UBR4: variants seen among roughly 807,000 people sequenced by gnomAD.
UBR4 encodes E3 ubiquitin-protein ligase UBR4.
Under a neutral mutation model 575.6 loss-of-function variants are expected in UBR4, and 124 were observed. The ratio of observed to expected loss-of-function variants is 0.22; its 90% CI spans 0.19 to 0.25. The LOEUF is 0.25. UBR4 is among the 10% of genes least tolerant of loss of function. The probability of loss-of-function intolerance (pLI) is 1.00; values close to 1 mark genes in which losing one functional copy is unlikely to be tolerated. For missense variants in UBR4, 4,818 were observed against 6,478.8 expected (o/e 0.74, Z 8.80); for synonymous variants, 2,455 against 2,473.7 (o/e 0.99, Z 0.22).
intron 60 of UBR4, among the ~76,000 whole-genome samples, chr1:19,133,613 A>G (rs1424492884): frequency 1.3e-5 from 2 of 152,246 alleles, no homozygotes; most frequent in Non-Finnish European, 1.5e-5. Context: ...TTTGCAGGTG[A>G]TAAGATTGTG....
At chr1:19,180,254 T>A (rs2090767365) in intron 17 of UBR4, among the ~76,000 whole-genome samples, 1 of 152,044 alleles carries the variant, frequency 6.6e-6, no homozygotes, top group Non-Finnish European at 1.5e-5. Context: ...GGTTGCACGA[T>A]CTCAGCTCAC....
intron 60 of UBR4, among the ~76,000 whole-genome samples, chr1:19,133,113 C>T (rs1025162735): frequency 6.6e-6 from 1 of 151,952 alleles, no homozygotes; most frequent in Non-Finnish European, 1.5e-5. Flanking sequence ...TTTTATGACG[C>T]CAGAATAATG....
At position 19,160,251 on chromosome 1, in the gene UBR4, C is replaced by T; in HGVS notation, c.5437G>A (p.Asp1813Asn). 1 of 1,611,642 alleles carries T rather than the reference C, an allele frequency of 6.2e-7. No homozygotes were observed. The highest frequency in any genetic ancestry group is 8.5e-7 in the Non-Finnish European group (1 of 1,179,586). ...GCATCCATAAGGAAATTAAGCATGT[C>T]TAACACGAGAGGAGCGAAGGAGAAA... ...ANFSFAPLVL[D>N]MLNFLMDAIQ... The change falls in exon 39 of 106, where the codon GAC (aspartate) becomes AAC (asparagine). Residue 1813 changes from aspartate (D) to asparagine (N), a missense_variant. Coordinates refer to ENST00000375254, the MANE Select transcript of UBR4 (RefSeq NM_020765.3).
In UBR4 at chr1:19,105,207, A is replaced by G; in HGVS notation, c.12504-18T>C. 1 of 1,604,630 alleles carries G rather than the reference A, an allele frequency of 6.2e-7. No individual in the cohort carries two copies. The highest frequency in any genetic ancestry group is 2.2e-5 in the East Asian group (1 of 44,816). The stretch of plus-strand genomic sequence containing the variant: ...CCAGGTAACTGCCACCAAGAGGGAC[A>G]GGGCACTCTAGTCAAGAACTCTAGC... On this transcript the variant is annotated intron_variant, in intron 84 of 105. Transcript: ENST00000375254.
At chr1:19,091,458 G>A (rs1286568447) in intron 97 of UBR4, among the ~76,000 whole-genome samples, 2 of 152,128 alleles carry the variant, frequency 1.3e-5, no homozygotes, top group African/African-American at 4.8e-5. Context: ...CAGAAAAAAC[G>A]CAATGCTGAG....
At chr1:19,140,663 C>T in intron 58 of UBR4, 125 bp downstream of exon 58, 1 of 1,010,892 alleles carries the variant, frequency 9.9e-7, no homozygotes, top group Non-Finnish European at 1.5e-6. Context: ...TTTCTAAAGC[C>T]AAGGCAGAAG....
chr1:19,198,153 A>G (rs972042051), intron 5 of UBR4, 104 bp from the exon 6 acceptor site: 2 of 1,134,900 alleles, frequency 1.8e-6, no homozygotes, highest in Admixed American at 4.4e-5. Context: ...CTCCCCAGTT[A>G]GTGAAGGGAA....
At position 19,153,353 on chromosome 1, in the gene UBR4, G is replaced by A; in HGVS notation, c.6780C>T (p.Ser2260=). ...SYWLQPSLQP[S]SVISIMKPVR... is the part of the protein sequence containing the mutation. ...CAGGCTTCATGATGCTGATGACACT[G>A]CTGGGCTGCAGGGATGGCTGCAGCC... Residue 2260 remains serine (S), a synonymous_variant, in exon 46 of 106, where the codon AGC becomes AGT. Coordinates refer to ENST00000375254, the MANE Select transcript of UBR4 (RefSeq NM_020765.3). The surrounding 1 kb of genome is among the most constrained non-coding windows in gnomAD (Gnocchi z 4.1). 1 of 1,614,194 alleles carries A rather than the reference G, an allele frequency of 6.2e-7. No homozygotes were observed. Among genetic ancestry groups the A allele is most frequent in the Non-Finnish European group, 8.5e-7 (1 of 1,180,030 alleles).
Position 19,152,181 on chromosome 1 carries a change from T to G in UBR4, c.6996+132A>C. The G allele has an allele frequency of 7.5e-7, 1 of 1,330,598 alleles. No individual in the cohort carries two copies. Among genetic ancestry groups the G allele is most frequent in the Non-Finnish European group, 1.0e-6 (1 of 968,354 alleles). 82.4% of individuals were successfully genotyped at this position (1,330,598 alleles called of 1,614,324 possible). On this transcript the variant is annotated intron_variant, in intron 47 of 105. Coordinates refer to ENST00000375254, the MANE Select transcript of UBR4 (RefSeq NM_020765.3). The surrounding 1 kb of genome is among the most constrained non-coding windows in gnomAD (Gnocchi z 4.4). ...GAATATCCATTTTTCTAAGGAACCA[T>G]TTAACTAGAACCGAGGGTTGTGACT...
intron 99 of UBR4, 105 bp from the exon 100 acceptor site, chr1:19,086,926 T>G (rs2274008): frequency 0.63 from 934,442 of 1,489,822 alleles, 296,846 homozygotes; most frequent in East Asian, 0.83. Flanking sequence ...ATGCCTTGGG[T>G]TTCAGGTTGC....
At chr1:19,115,790 T>A (rs113466764) in intron 73 of UBR4, among the ~76,000 whole-genome samples, 153 bp from the exon 74 acceptor site, 10 of 152,284 alleles carry the variant, frequency 6.6e-5, no homozygotes, top group Middle Eastern at 3.4e-3. Flanking sequence ...AGGAAGCCAG[T>A]TTTAAAAAAG....
intron 48 of UBR4, chr1:19,151,297 C>T: frequency 2.6e-6 from 1 of 387,976 alleles, no homozygotes; most frequent in Non-Finnish European, 4.7e-6. Flanking sequence ...CATGTGTGAC[C>T]TGAGGTCTTC....
intron 93 of UBR4, 50 bp downstream of exon 93, chr1:19,095,495 C>T (rs1217988002): frequency 1.3e-6 from 2 of 1,573,592 alleles, no homozygotes; most frequent in Admixed American, 3.3e-5. Flanking sequence ...GTCTTTCACA[C>T]CCAGACTTCC....
Position 19,113,750 on chromosome 1 carries a change from C to T in UBR4, c.11406G>A (p.Glu3802=), listed in dbSNP as rs1201789573. The part of the protein sequence containing the change: ...VNRYILQLAQ[E]YCGDCKNSFD... ...AAGAGTTCTTGCAGTCTCCACAATA[C>T]TCCTGAGCCAACTGCAGGATGTAAC... is the stretch of plus-strand genomic sequence containing the variant. Residue 3802 remains glutamate, a synonymous_variant, in exon 77 of 106, where the codon GAG becomes GAA. Coordinates refer to ENST00000375254, the MANE Select transcript of UBR4 (RefSeq NM_020765.3). 1.3e-5 allele frequency: 21 copies of T among 1,614,218 alleles called. No homozygotes were observed. The highest frequency in any genetic ancestry group is 1.8e-5 in the Non-Finnish European group (21 of 1,180,038).
Position 19,153,532 on chromosome 1 carries a change from G to A in UBR4, c.6631-30C>T, listed in dbSNP as rs756550084. 13 of 1,610,722 alleles carry A rather than the reference G, an allele frequency of 8.1e-6. No individual in the cohort carries two copies. The highest frequency in any genetic ancestry group is 6.7e-5 in the Admixed American group (4 of 59,972). The stretch of plus-strand genomic sequence containing the variant: ...GAGGAGAGGACAAAGGAGGGTCTTC[G>A]TTCCCACACCCACAGATCAGCATCC... On this transcript the variant is annotated intron_variant, in intron 45 of 105. Coordinates refer to ENST00000375254, the MANE Select transcript of UBR4 (RefSeq NM_020765.3). The surrounding 1 kb of genome is among the most constrained non-coding windows in gnomAD (Gnocchi z 4.1).
intron 1 of UBR4, among the ~76,000 whole-genome samples, chr1:19,205,314 G>C (rs1182994105): frequency 6.6e-6 from 1 of 152,172 alleles, no homozygotes; most frequent in South Asian, 2.1e-4. Flanking sequence ...TGGAATCTGA[G>C]GAGGGGCATC....
At chr1:19,174,169 G>T in intron 22 of UBR4, 150 bp downstream of exon 22, 3 of 1,076,288 alleles carry the variant, frequency 2.8e-6, no homozygotes, top group East Asian at 2.7e-5. Context: ...GGTGAACATA[G>T]CTACACAAAC....
Position 19,110,484 on chromosome 1 carries a change from G to A in UBR4, c.11893-20C>T, listed in dbSNP as rs775454697. On this transcript the variant is annotated intron_variant, in intron 79 of 105. Coordinates refer to ENST00000375254, the MANE Select transcript of UBR4 (RefSeq NM_020765.3). This position sits in a 1 kb window ranked among gnomAD's most constrained non-coding sequence, Gnocchi z 4.5. ...ACTTGCCTAGAAGGCAATGGGAAGA[G>A]ACATGAGTCAAGAGGGTCAGCTCCG... 15 of 1,612,782 alleles carry A rather than the reference G, an allele frequency of 9.3e-6. 1 individual carries two copies. Among genetic ancestry groups the A allele is most frequent in the East Asian group, 8.9e-5 (4 of 44,892 alleles).
In UBR4 at chr1:19,140,901, C is replaced by A; in HGVS notation, c.8489-9G>T. ...GGCACTGCTGCTGCTGCCTGGGAAA[C>A]AAGTGGAGAGTGAGCACAACATCCC... is the stretch of plus-strand genomic sequence containing the variant. On this transcript the variant is annotated splice_polypyrimidine_tract_variant and intron_variant, in intron 57 of 105. Coordinates refer to ENST00000375254, the MANE Select transcript of UBR4 (RefSeq NM_020765.3). The A allele has an allele frequency of 6.2e-7, 1 of 1,601,280 alleles. No homozygotes were observed. The highest frequency in any genetic ancestry group is 1.7e-4 in the Middle Eastern group (1 of 6,030).
Sources: gnomAD v4.1 joint callset for allele counts (sites outside exome capture counted in the v4.1 genomes callset) on GRCh38, gnomAD v4.1.1 for gene constraint, Gnocchi (gnomAD v3.1) non-coding constraint, MANE v1.5 for transcripts, NCBI Gene and HGNC (gene_info 2026-07-23, HGNC 2026-07-21) for gene names.